The following RPH3A variants were observed in gnomAD, a reference collection of about 807,000 sequenced individuals.
The protein encoded by RPH3A is rabphilin-3A.
In RPH3A, 48 loss-of-function variants were observed where a neutral mutation model predicts 102.2. That is an observed-to-expected ratio of 0.47 (90% CI 0.37 to 0.60). The LOEUF (loss-of-function observed/expected upper bound fraction) is 0.60, where lower values mean the gene tolerates loss of function less well. Among genes scored for constraint, RPH3A ranks in the 20% least tolerant of loss-of-function variants. The pLI is 0.00. For synonymous variants in RPH3A, 310 were observed against 324.3 expected, an observed-to-expected ratio of 0.96 and a Z score of 0.47; for missense variants, 781 against 910.1, an observed-to-expected ratio of 0.86 and a Z score of 1.83.
chr12:112,866,751 C>T lies in RPH3A; in HGVS notation c.361-6C>T. On this transcript the variant is annotated splice_region_variant and splice_polypyrimidine_tract_variant and intron_variant, in intron 6 of 21. Transcript: ENST00000389385. Reference sequence around the variant, plus strand: ...TCTGAGTGTGTTGGCTGTGTTTCATCCACAGAACGTCTGCACCAAGTGCGG... The same window carrying T: ...TCTGAGTGTGTTGGCTGTGTTTCATTCACAGAACGTCTGCACCAAGTGCGG... The T allele has an allele frequency of 5.0e-6, 8 of 1,607,324 alleles. No homozygotes were observed. The highest frequency in any genetic ancestry group is 6.0e-6 in the Non-Finnish European group (7 of 1,175,760).
chr12:112,724,720 G>C (rs1307201527), intron 1 of RPH3A, among the ~76,000 whole-genome samples: 2 of 152,222 alleles, frequency 1.3e-5, no homozygotes, highest in African/African-American at 4.8e-5. Flanking sequence ...TGTAATCCTA[G>C]CACTTTGGGA....
chr12:112,883,487 G>A lies in RPH3A; in HGVS notation c.1436+85G>A, dbSNP rs186979272. ...TGAGACTTGGGGTGAGGCCCCCAGGGCTTCACTCTAAAAAGATCTCTACAT... is the reference window on the plus strand; with the variant it reads ...TGAGACTTGGGGTGAGGCCCCCAGGACTTCACTCTAAAAAGATCTCTACAT... On this transcript the variant is annotated intron_variant, in intron 16 of 21. Transcript: ENST00000389385. 1.4e-3 allele frequency: 1,233 copies of A among 904,466 alleles called. 3 individuals are homozygous for A. The highest frequency in any genetic ancestry group is 4.1e-3 in the Middle Eastern group (19 of 4,660). The allele number at this position is 904,466 out of a possible 1,614,324, so 56.0% of individuals were successfully genotyped here.
chr12:112,758,488 C>T (rs914052730), intron 1 of RPH3A, among the ~76,000 whole-genome samples: 1 of 152,086 alleles, frequency 6.6e-6, no homozygotes, highest in Non-Finnish European at 1.5e-5. Flanking sequence ...GTGGGATGAC[C>T]GTGAGGAAGG....
At chr12:112,713,048 TCTC>T (rs57742647) in intron 1 of RPH3A, among the ~76,000 whole-genome samples, 4,128 of 71,742 alleles carry the variant, frequency 0.058, 308 homozygotes, top group African/African-American at 0.094. Flanking sequence ...TTCTTCTTCT[TCTC>T]CTTCTTCTTC....
At chr12:112,856,167 C>T (rs1422453148) in intron 5 of RPH3A, among the ~76,000 whole-genome samples, 2 of 152,220 alleles carry the variant, frequency 1.3e-5, no homozygotes, top group Non-Finnish European at 2.9e-5. Context: ...GTGTCTCTCC[C>T]AGGCTCTGCT....
chr12:112,792,766 A>T (rs2041148666), intron 2 of RPH3A, among the ~76,000 whole-genome samples: 1 of 152,154 alleles, frequency 6.6e-6, no homozygotes, highest in Admixed American at 6.5e-5. Flanking sequence ...CTCTTCTAGG[A>T]ACAGCTGAGT....
intron 1 of RPH3A, among the ~76,000 whole-genome samples, chr12:112,676,978 C>T (rs2040179824): frequency 6.6e-6 from 1 of 152,180 alleles, no homozygotes; most frequent in South Asian, 2.1e-4. Context: ...TTTTGGATTT[C>T]TCCTGTGTGA....
At chr12:112,595,962 A>T (rs2039513297) in intron 1 of RPH3A, among the ~76,000 whole-genome samples, 1 of 152,188 alleles carries the variant, frequency 6.6e-6, no homozygotes, top group Non-Finnish European at 1.5e-5. Context: ...GAGAGACTAC[A>T]TAGACATGTG....
At chr12:112,690,470 A>G (rs1226809491) in intron 1 of RPH3A, among the ~76,000 whole-genome samples, 1 of 152,198 alleles carries the variant, frequency 6.6e-6, no homozygotes, top group Admixed American at 6.5e-5. Context: ...GCTGGGGCAC[A>G]TGGCTTATTA....
At chr12:112,847,992 C>T in intron 5 of RPH3A, 150 bp downstream of exon 5, 1 of 750,088 alleles carries the variant, frequency 1.3e-6, no homozygotes, top group Non-Finnish European at 2.1e-6. Context: ...CCGCCCCACC[C>T]CCTTCCCCAC....
intron 4 of RPH3A, among the ~76,000 whole-genome samples, chr12:112,843,950 C>T (rs1332881849): frequency 6.6e-6 from 1 of 152,088 alleles, no homozygotes; most frequent in Admixed American, 6.5e-5. Context: ...TGGGAAGAAA[C>T]AGCAGGCTGA....
intron 1 of RPH3A, among the ~76,000 whole-genome samples, chr12:112,676,525 G>A (rs1459502319): frequency 6.6e-6 from 1 of 152,186 alleles, no homozygotes; most frequent in African/African-American, 2.4e-5. Context: ...ATTGGATTCT[G>A]GCCCCAGATA....
intron 1 of RPH3A, among the ~76,000 whole-genome samples, chr12:112,687,362 T>G (rs184315282): frequency 6.6e-6 from 1 of 152,164 alleles, no homozygotes; most frequent in East Asian, 1.9e-4. Context: ...ATCTCCACAC[T>G]CTGGGATGCA....
At chr12:112,861,840 C>A (rs1337392032) in intron 5 of RPH3A, among the ~76,000 whole-genome samples, 3 of 151,898 alleles carry the variant, frequency 2.0e-5, no homozygotes, top group Admixed American at 1.3e-4. Context: ...AGTGAAACCC[C>A]GTCTCTACTA....
At chr12:112,725,458 T>C (rs1470974860) in intron 1 of RPH3A, among the ~76,000 whole-genome samples, 1 of 152,118 alleles carries the variant, frequency 6.6e-6, no homozygotes, top group Non-Finnish European at 1.5e-5. Flanking sequence ...TCTTGGAGCC[T>C]GAGCCATTGT....
chr12:112,778,864 T>C (rs1167705776), intron 1 of RPH3A, among the ~76,000 whole-genome samples: 1 of 152,158 alleles, frequency 6.6e-6, no homozygotes, highest in Non-Finnish European at 1.5e-5. Flanking sequence ...GCACTAATCA[T>C]TGTGGCCAGG....
intron 1 of RPH3A, among the ~76,000 whole-genome samples, chr12:112,740,231 A>C (rs1351744702): frequency 6.6e-6 from 1 of 152,186 alleles, no homozygotes; most frequent in African/African-American, 2.4e-5. Flanking sequence ...AGTTAATTTT[A>C]GTTAAACCCT....
intron 5 of RPH3A, among the ~76,000 whole-genome samples, chr12:112,855,010 T>A (rs1432865862): frequency 7.4e-6 from 1 of 135,576 alleles, no homozygotes; most frequent in African/African-American, 2.5e-5. Flanking sequence ...GTGATCCTTG[T>A]CCCCTTCAGG....
At chr12:112,640,331 A>C (rs1329333688) in intron 1 of RPH3A, among the ~76,000 whole-genome samples, 3 of 96,964 alleles carry the variant, frequency 3.1e-5, no homozygotes, top group East Asian at 2.7e-4. Flanking sequence ...ATCTCAAAAA[A>C]AAAAAAAAAA....
Sources: allele counts gnomAD v4.1 joint callset (sites outside exome capture counted in the v4.1 genomes callset), GRCh38; gene constraint gnomAD v4.1.1; transcripts MANE v1.5; gene names NCBI Gene and HGNC (gene_info 2026-07-23, HGNC 2026-07-21).